Variants in CARD14 observed in about 807,000 individuals in gnomAD.
CARD14 encodes caspase recruitment domain-containing protein 14.
A neutral mutation model predicts 111.5 loss-of-function variants in CARD14; 107 were observed. That is an observed-to-expected ratio of 0.96 (90% CI 0.82 to 1.13). The LOEUF is 1.13. Ranked by LOEUF, CARD14 falls within the 50% of genes most tolerant of loss-of-function variation. The pLI, the probability that CARD14 is intolerant of heterozygous loss-of-function variation, is 0.00. For synonymous variants in CARD14, 617 were observed against 579.6 expected (o/e 1.06, Z -0.93); for missense variants, 1,322 against 1,362.3 (o/e 0.97, Z 0.47).
intron 1 of CARD14, among the ~76,000 whole-genome samples, chr17:80,171,205 C>A (rs9709411): frequency 2.4e-5 from 1 of 41,166 alleles, no homozygotes; most frequent in Non-Finnish European, 4.5e-5. Flanking sequence ...CTCCCTCCCT[C>A]CCTTCCTTCC....
chr17:80,187,808 G>A, intron 7 of CARD14: 1 of 985,476 alleles, frequency 1.0e-6, no homozygotes, highest in Non-Finnish European at 1.2e-6. Context: ...CTGTCCAGAG[G>A]AAGGAGGCCA....
In CARD14 at chr17:80,195,726, C is replaced by T. The variant is rs1206426758; in HGVS notation, c.1594+74C>T. ...CAGAGCAGGGAGCTGATGAGAAAGCCGGGGCCTCTCTCCAGGGAAAGGGCA... is the reference window on the plus strand; with the variant it reads ...CAGAGCAGGGAGCTGATGAGAAAGCTGGGGCCTCTCTCCAGGGAAAGGGCA... On this transcript the variant is annotated intron_variant, in intron 14 of 23. Transcript: ENST00000648509. This position sits in a 1 kb window ranked among gnomAD's most constrained non-coding sequence, Gnocchi z 4.7. 39 of 1,261,880 alleles carry T rather than the reference C, an allele frequency of 3.1e-5. No individual in the cohort carries two copies. Among genetic ancestry groups the T allele is most frequent in the East Asian group, 7.5e-5 (3 of 39,902 alleles). 78.2% of individuals were successfully genotyped at this position (1,261,880 alleles called of 1,614,324 possible). A position where few individuals can be genotyped will look rare whatever the true frequency, so the allele number is the denominator to read the frequency against.
rs2144233960 is a variant in CARD14, at chr17:80,188,411, A to G, written c.710A>G (p.Asn237Ser). The change falls in exon 8 of 24, where the codon AAC becomes AGC. Residue 237 changes from asparagine (N) to serine (S), a missense_variant. Transcript: ENST00000648509. This position sits in a 1 kb window ranked among gnomAD's most constrained non-coding sequence, Gnocchi z 4.5. The part of the protein sequence containing the change: ...YLLKQELQRA[N>S]MVSSCELELQ... ...CTGAAGCAGGAGCTGCAGCGAGCCA[A>G]CATGGTTTCCTCCTGTGAGCTGGAA... The G allele has an allele frequency of 1.9e-6, 3 of 1,610,994 alleles. No individual in the cohort carries two copies. The highest frequency in any genetic ancestry group is 1.3e-5 in the African/African-American group (1 of 74,958).
rs776146797 is a variant in CARD14 at position 80,198,715 on chromosome 17, G to C, written c.1851+124G>C. The C allele has an allele frequency of 6.3e-7, 1 of 1,584,680 alleles. No individual in the cohort carries two copies. The highest frequency in any genetic ancestry group is 8.6e-7 in the Non-Finnish European group (1 of 1,167,644). ...CAGATCCACTCTGGGCTGGGCCTCT[G>C]CTCTTTCCTGGGCTGACGTAAAGCG... On this transcript the variant is annotated intron_variant, in intron 16 of 23. Transcript: ENST00000648509. The surrounding 1 kb of genome is among the most constrained non-coding windows in gnomAD (Gnocchi z 7.5).
Position 80,195,279 on chromosome 17 carries a change from A to C in CARD14, c.1445A>C (p.Gln482Pro). The change falls in exon 13 of 24, where the codon CAG becomes CCG. Residue 482 changes from glutamine to proline, a missense_variant. Transcript: ENST00000648509. This position sits in a 1 kb window ranked among gnomAD's most constrained non-coding sequence, Gnocchi z 4.7. ...RSSSPAPPSQ[Q>P]SLYKRVAEDF... ...AGCAGCCCCGCGCCCCCCAGCCAGC[A>C]GTCCCTGTACAAGCGGGTGGCCGAG... 5 of 1,613,108 alleles carry C rather than the reference A, an allele frequency of 3.1e-6. No homozygotes were observed. Among genetic ancestry groups the C allele is most frequent in the Non-Finnish European group, 4.2e-6 (5 of 1,179,916 alleles).
chr17:80,187,834 A>G, intron 7 of CARD14: 1 of 985,432 alleles, frequency 1.0e-6, no homozygotes, highest in South Asian at 4.7e-5. Flanking sequence ...ACCTGGTGGG[A>G]TAGTCCCTGG....
chr17:80,181,089 T>TAAA lies in CARD14; in HGVS notation c.-20-318_-20-316dup, dbSNP rs60307812. Among the ~76,000 whole-genome samples the TAAA allele has an allele frequency of 4.3e-3, 605 of 141,470 alleles. 4 individuals are homozygous for TAAA. The highest frequency in any genetic ancestry group is 0.023 in the East Asian group (113 of 4,860). The allele number at this position is 141,470 out of a possible 152,430, so 92.8% of individuals were successfully genotyped here. On this transcript the variant is annotated intron_variant, in intron 4 of 23. Coordinates refer to ENST00000648509, the MANE Select transcript of CARD14 (RefSeq NM_001366385.1). ...ACTACCATTATTTTAGATGAATTTC[T>TAAA]AAAAAAAAAAAAAAGTATTTATTTA...
At chr17:80,204,143 T>G in intron 19 of CARD14, 84 bp from the exon 20 acceptor site, 2 of 1,366,004 alleles carry the variant, frequency 1.5e-6, no homozygotes, top group South Asian at 1.4e-5. Context: ...CAGGTCGCCC[T>G]AGTGCCAATC....
chr17:80,188,574 G>A lies in CARD14; in HGVS notation c.843+30G>A. ...GTTCCGGTCCCCGCAGCAGAGAGCGGCCTCCTGCCTTGGGGGCTTGGCCCT... is the reference window on the plus strand; with the variant it reads ...GTTCCGGTCCCCGCAGCAGAGAGCGACCTCCTGCCTTGGGGGCTTGGCCCT... On this transcript the variant is annotated intron_variant, in intron 8 of 23. Coordinates refer to ENST00000648509, the MANE Select transcript of CARD14 (RefSeq NM_001366385.1). This position sits in a 1 kb window ranked among gnomAD's most constrained non-coding sequence, Gnocchi z 4.5. 7.0e-7 allele frequency: 1 copy of A among 1,433,822 alleles called. No homozygotes were observed. Among genetic ancestry groups the A allele is most frequent in the Non-Finnish European group, 9.2e-7 (1 of 1,089,706 alleles). The allele number at this position is 1,433,822 out of a possible 1,614,324, so 88.8% of individuals were successfully genotyped here.
Position 80,198,830 on chromosome 17 carries a change from T to C in CARD14, c.1851+239T>C. 2 of 1,465,064 alleles carry C rather than the reference T, an allele frequency of 1.4e-6. No homozygotes were observed. The highest frequency in any genetic ancestry group is 3.0e-5 in the South Asian group (2 of 67,604). 90.8% of individuals were successfully genotyped at this position (1,465,064 alleles called of 1,614,324 possible). A position where few individuals can be genotyped will look rare whatever the true frequency, so the allele number is the denominator to read the frequency against. On this transcript the variant is annotated intron_variant, in intron 16 of 23. Coordinates refer to ENST00000648509, the MANE Select transcript of CARD14 (RefSeq NM_001366385.1). This position sits in a 1 kb window ranked among gnomAD's most constrained non-coding sequence, Gnocchi z 7.5. ...GCCATGCGGCGCTTCTGACCAGGGG[T>C]CTTTGCATGAGGCCCCTTGACAGGG... is the stretch of plus-strand genomic sequence containing the variant.
chr17:80,189,652 A>G lies in CARD14; in HGVS notation c.844-101A>G, dbSNP rs2040454209. 1 of 1,357,474 alleles carries G rather than the reference A, an allele frequency of 7.4e-7. No homozygotes were observed. Among genetic ancestry groups the G allele is most frequent in the South Asian group, 1.7e-5 (1 of 59,672 alleles). 84.1% of individuals were successfully genotyped at this position (1,357,474 alleles called of 1,614,324 possible). On this transcript the variant is annotated intron_variant, in intron 8 of 23. Coordinates refer to ENST00000648509, the MANE Select transcript of CARD14 (RefSeq NM_001366385.1). This position sits in a 1 kb window ranked among gnomAD's most constrained non-coding sequence, Gnocchi z 4.7. ...GAGTGGCAAGACTGCATCCGTCCAC[A>G]CACCTGACCGTGCAGTTGCCGCCAT...
chr17:80,187,671 C>A, intron 7 of CARD14: 1 of 784,422 alleles, frequency 1.3e-6, no homozygotes, highest in Non-Finnish European at 1.5e-6. Context: ...TGAGCACCGG[C>A]ACCCACCCCG....
At chr17:80,175,276 C>T (rs568548214) in intron 2 of CARD14, among the ~76,000 whole-genome samples, 2 of 152,314 alleles carry the variant, frequency 1.3e-5, no homozygotes, top group African/African-American at 4.8e-5. Flanking sequence ...CCATGCCCGG[C>T]CTGCTATTTT....
At chr17:80,205,833 G>GT (rs1268910993) in intron 22 of CARD14, 181 bp downstream of exon 22, 21 of 539,418 alleles carry the variant, frequency 3.9e-5, no homozygotes, top group African/African-American at 3.8e-4. Context: ...TAGGATCCAC[G>GT]TGACTGTGGG....
chr17:80,209,224 G>T lies in CARD14; in HGVS notation c.*879G>T, dbSNP rs1457480961. ...CAGACTGAATGTCATTTTGACAGCA[G>T]TGTCCAAGAATCAGGAAGCTGTTCT... On this transcript the variant is annotated 3_prime_UTR_variant, in exon 24 of 24. Coordinates refer to ENST00000648509, the MANE Select transcript of CARD14 (RefSeq NM_001366385.1). 6.4e-6 allele frequency: 5 copies of T among 783,678 alleles called. No homozygotes were observed. The African/African-American group carries it at 7.5e-5, about 12-fold the overall frequency. The allele number at this position is 783,678 out of a possible 1,614,324, so 48.5% of individuals were successfully genotyped here. A position where few individuals can be genotyped will look rare whatever the true frequency, so the allele number is the denominator to read the frequency against.
At chr17:80,193,727 G>T (rs1292078512) in intron 12 of CARD14, among the ~76,000 whole-genome samples, 2 of 152,112 alleles carry the variant, frequency 1.3e-5, no homozygotes, top group East Asian at 3.9e-4. Flanking sequence ...TCAGAGAGCT[G>T]GGGGAGGCCG....
intron 11 of CARD14, chr17:80,192,058 C>G (rs1370416913): frequency 6.4e-6 from 1 of 155,558 alleles, no homozygotes; most frequent in Non-Finnish European, 1.4e-5. Flanking sequence ...GCATCCCACA[C>G]CGACGGTGGA....
In CARD14 at chr17:80,181,466, G is replaced by T; in HGVS notation, c.28G>T (p.Ala10Ser). 6.3e-7 allele frequency: 1 copy of T among 1,582,278 alleles called. No homozygotes were observed. The highest frequency in any genetic ancestry group is 8.6e-7 in the Non-Finnish European group (1 of 1,163,974). ...GGGGGAACTGTGCCGCAGGGACTCC[G>T]CACTCACGGCACTGGACGAGGAGAC... Reference protein sequence around the residue: MGELCRRDSALTALDEETLW... With the variant: MGELCRRDSSLTALDEETLW... The change falls in exon 5 of 24, where the codon GCA (alanine) becomes TCA (serine). Residue 10 changes from alanine (A) to serine (S), a missense_variant. By Grantham distance (99) the Ala-to-Ser change is moderately conservative (BLOSUM62 1). Coordinates refer to ENST00000648509, the MANE Select transcript of CARD14 (RefSeq NM_001366385.1).
In CARD14 at chr17:80,179,478, TGTCTGCACGAAGTATCATG is replaced by T. The variant is rs2040102954; in HGVS notation, c.-21+178_-21+196del. Among the ~76,000 whole-genome samples, 3 of 152,260 alleles carry T rather than the reference TGTCTGCACGAAGTATCATG, an allele frequency of 2.0e-5. No homozygotes were observed. The South Asian group carries it at 6.2e-4, about 32-fold the overall frequency. Reference sequence around the variant, plus strand: ...GAAGGCACTGTTGATGTAAAGCTGCTGTCTGCACGAAGTATCATGCAAAGATGCTATGTACTGTTTATAC... The same window carrying T: ...GAAGGCACTGTTGATGTAAAGCTGCTCAAAGATGCTATGTACTGTTTATAC... On this transcript the variant is annotated intron_variant, in intron 4 of 23. Transcript: ENST00000648509.
Sources: allele counts gnomAD v4.1 joint callset (sites outside exome capture counted in the v4.1 genomes callset), GRCh38; gene constraint gnomAD v4.1.1; non-coding constraint Gnocchi (gnomAD v3.1); transcripts MANE v1.5; gene names NCBI Gene and HGNC (gene_info 2026-07-23, HGNC 2026-07-21).